The following FAM135A variants were observed in gnomAD, a reference collection of about 807,000 sequenced individuals.
The protein encoded by FAM135A is family with sequence similarity 135 member A, also known as protein FAM135A.
A neutral mutation model predicts 146.8 loss-of-function variants in FAM135A; 79 were observed. The ratio of observed to expected loss-of-function variants is 0.54; its 90% confidence interval spans 0.45 to 0.65. FAM135A has a LOEUF of 0.65. Among genes scored for constraint, FAM135A ranks in the 30% least tolerant of loss-of-function variants. The pLI, the probability that FAM135A is intolerant of heterozygous loss-of-function variation, is 0.00. For synonymous variants in FAM135A, 562 were observed against 603.6 expected (o/e 0.93, Z 1.01); for missense variants, 1,623 against 1,758.2 (o/e 0.92, Z 1.38).
intron 11 of FAM135A, among the ~76,000 whole-genome samples, chr6:70,493,385 C>T (rs61223738): frequency 0.27 from 40,862 of 151,998 alleles, 7,058 homozygotes; most frequent in African/African-American, 0.49. Flanking sequence ...ATTTTCTTTA[C>T]ATGCGTCTAT....
intron 10 of FAM135A, chr6:70,486,319 A>G: frequency 8.1e-7 from 1 of 1,233,402 alleles, no homozygotes; most frequent in South Asian, 1.3e-5. Flanking sequence ...AATTAGCATC[A>G]GATTTCATAA....
At chr6:70,465,296 C>A (rs950768886) in intron 5 of FAM135A, among the ~76,000 whole-genome samples, 4 of 151,996 alleles carry the variant, frequency 2.6e-5, no homozygotes, top group African/African-American at 4.8e-5. Flanking sequence ...TTTTTTCTAC[C>A]TCTTGACTAT....
At chr6:70,487,133 A>G in intron 10 of FAM135A, among the ~76,000 whole-genome samples, 1 of 150,406 alleles carries the variant, frequency 6.6e-6, no homozygotes, top group African/African-American at 2.4e-5. Context: ...AATAGAGAAG[A>G]GAAATATCCT....
chr6:70,537,043 C>T (rs968814163), intron 19 of FAM135A, among the ~76,000 whole-genome samples: 10 of 150,868 alleles, frequency 6.6e-5, no homozygotes, highest in African/African-American at 2.4e-4. Flanking sequence ...TCAAGCGATT[C>T]TCCTGCCTCA....
At chr6:70,483,977 A>C (rs1048732284) in intron 10 of FAM135A, among the ~76,000 whole-genome samples, 3 of 152,192 alleles carry the variant, frequency 2.0e-5, no homozygotes, top group African/African-American at 7.2e-5. Context: ...ATTGAAGGGA[A>C]TCAGATGTGG....
chr6:70,558,398 A>G (rs1455411425), intron 21 of FAM135A, among the ~76,000 whole-genome samples: 3 of 152,272 alleles, frequency 2.0e-5, no homozygotes, highest in Admixed American at 2.0e-4. Flanking sequence ...ATAGTAATGC[A>G]TAAGCATTGT....
chr6:70,516,496 G>T (rs1792242336), intron 12 of FAM135A, among the ~76,000 whole-genome samples: 1 of 149,036 alleles, frequency 6.7e-6, no homozygotes. Flanking sequence ...AGCTTTTATT[G>T]AGATTTTAAT....
At chr6:70,452,378 A>C (rs928431139) in intron 4 of FAM135A, 114 bp from the exon 5 acceptor site, 7 of 711,408 alleles carry the variant, frequency 9.8e-6, no homozygotes, top group Non-Finnish European at 1.6e-5. Flanking sequence ...GTTATGGGAG[A>C]CTGATATAAT....
chr6:70,539,626 G>A (rs1300227471), intron 20 of FAM135A, among the ~76,000 whole-genome samples: 3 of 152,056 alleles, frequency 2.0e-5, no homozygotes, highest in African/African-American at 4.8e-5. Flanking sequence ...TTTATTTGAG[G>A]CTTGTATCAT....
intron 2 of FAM135A, among the ~76,000 whole-genome samples, chr6:70,420,794 TTAA>T (rs1400566380): frequency 1.3e-5 from 2 of 152,188 alleles, no homozygotes; most frequent in African/African-American, 2.4e-5. Flanking sequence ...TAAAAACATA[TTAA>T]TGAGATATTT....
chr6:70,477,284 C>T lies in FAM135A; in HGVS notation c.494C>T (p.Ser165Phe). ...GATTACTTCCACCTTTCTGTTGTGT[C>T]TGTTACAGTTCATGCATCATTGGTT... ...MFDYFHLSVV[S>F]VTVHASLVAL... Residue 165 changes from serine to phenylalanine, a missense_variant, in exon 8 of 22, where the codon TCT becomes TTT. This residue lies in a region of FAM135A where 16 missense variants were observed against 39.0 expected (regional missense o/e 0.41). Transcript: ENST00000418814. 6.2e-7 allele frequency: 1 copy of T among 1,613,418 alleles called. No homozygotes were observed. Among genetic ancestry groups the T allele is most frequent in the South Asian group, 1.1e-5 (1 of 91,048 alleles).
rs181175658 is a variant in FAM135A at position 70,470,122 on chromosome 6, G to A, written c.158-5288G>A. 1.3e-4 allele frequency among the ~76,000 whole-genome samples: 20 copies of A among 152,272 alleles called. No individual in the cohort carries two copies. The East Asian group carries it at 3.7e-3, about 28-fold the overall frequency. On this transcript the variant is annotated intron_variant, in intron 5 of 21. Transcript: ENST00000418814. ...AGATGAGGTTTGAGAGTTGACCTTT[G>A]GATTTGGCAAAGGAGAAATCATTAG...
intron 20 of FAM135A, among the ~76,000 whole-genome samples, chr6:70,547,975 T>C (rs1279816729): frequency 6.6e-6 from 1 of 152,202 alleles, no homozygotes; most frequent in African/African-American, 2.4e-5. Flanking sequence ...CACGGACTAG[T>C]TAACTACGTT....
At chr6:70,512,763 G>A (rs543203753) in intron 12 of FAM135A, among the ~76,000 whole-genome samples, 21 of 151,514 alleles carry the variant, frequency 1.4e-4, no homozygotes, top group African/African-American at 4.1e-4. Flanking sequence ...TTATATTTTC[G>A]TTTTCTCAGT....
At chr6:70,423,919 T>C (rs1300256062) in intron 2 of FAM135A, among the ~76,000 whole-genome samples, 3 of 152,242 alleles carry the variant, frequency 2.0e-5, no homozygotes, top group Non-Finnish European at 4.4e-5. Flanking sequence ...CACAGTTATC[T>C]ACTCCTCCTC....
At chr6:70,472,826 G>A (rs970932643) in intron 5 of FAM135A, among the ~76,000 whole-genome samples, 5 of 152,150 alleles carry the variant, frequency 3.3e-5, no homozygotes, top group Non-Finnish European at 7.3e-5. Flanking sequence ...TTCATTTTAT[G>A]TGTTTTTGAC....
In FAM135A at chr6:70,524,624, T is replaced by C; in HGVS notation, c.1540T>C (p.Ser514Pro). Residue 514 changes from serine to proline, a missense_variant, in exon 15 of 22, where the codon TCT becomes CCT. Coordinates refer to ENST00000418814, the MANE Select transcript of FAM135A (RefSeq NM_001162529.3). ...CACAAAAAAATTAATAAAACAGAACTCTAAGGATTCTGTGGTTTTGGTAGG... is the reference window on the plus strand; with the variant it reads ...CACAAAAAAATTAATAAAACAGAACCCTAAGGATTCTGTGGTTTTGGTAGG... Reference protein sequence around the residue: ...ENTKKLIKQNSKDSVVLVGYK... With the variant: ...ENTKKLIKQNPKDSVVLVGYK... 2 of 1,548,318 alleles carry C rather than the reference T, an allele frequency of 1.3e-6. No homozygotes were observed. The highest frequency in any genetic ancestry group is 1.7e-6 in the Non-Finnish European group (2 of 1,146,038).
At chr6:70,508,621 G>A (rs1790318997) in intron 12 of FAM135A, among the ~76,000 whole-genome samples, 1 of 152,176 alleles carries the variant, frequency 6.6e-6, no homozygotes, top group African/African-American at 2.4e-5. Context: ...GTTAGGGTTA[G>A]TGGAGTCAGA....
intron 5 of FAM135A, among the ~76,000 whole-genome samples, chr6:70,460,281 T>C (rs1279592968): frequency 6.6e-6 from 1 of 152,220 alleles, no homozygotes; most frequent in Non-Finnish European, 1.5e-5. Flanking sequence ...TCTCTGTAGC[T>C]TCAAACAGTA....
Sources: gnomAD v4.1 joint callset for allele counts (sites outside exome capture counted in the v4.1 genomes callset) on GRCh38, gnomAD v4.1.1 for gene constraint, gnomAD v4.1.1 regional missense constraint, MANE v1.5 for transcripts, NCBI Gene and HGNC (gene_info 2026-07-23, HGNC 2026-07-21) for gene names.